QTGAL: variants seen among roughly 807,000 people sequenced by gnomAD.
The protein encoded by QTGAL is BGnT-like protein 1.
At chr17:82,981,245 C>T in the QTGAL span, 2 of 152,352 alleles carry the variant, frequency 1.3e-5, no homozygotes, top group South Asian at 4.1e-4. Context: ...ACCCACTCCC[C>T]ATGCAGCCGA....
chr17:83,047,905 C>T, the QTGAL span, among the ~76,000 whole-genome samples: 1 of 151,966 alleles, frequency 6.6e-6, no homozygotes, highest in South Asian at 2.1e-4. Context: ...ATAATAAATC[C>T]TACCAAACAA....
At chr17:83,005,754 G>A in the QTGAL span, 5 of 841,940 alleles carry the variant, frequency 5.9e-6, no homozygotes, top group East Asian at 2.7e-5. This position sits in a 1 kb window ranked among gnomAD's most constrained non-coding sequence, Gnocchi z 5.6. Context: ...CAGCACCCCT[G>A]CCTCAGGTGA....
chr17:82,946,000 GT>G, the QTGAL span: 2 of 152,208 alleles, frequency 1.3e-5, no homozygotes, highest in East Asian at 3.8e-4. Flanking sequence ...CAGTGGCAGA[GT>G]TGGTGGCTGA....
chr17:82,983,204 C>G, the QTGAL span, among the ~76,000 whole-genome samples: 1 of 152,130 alleles, frequency 6.6e-6, no homozygotes, highest in African/African-American at 2.4e-5. Flanking sequence ...TGCTTGAACC[C>G]AGAAGGCGGA....
chr17:82,983,106 C>A, the QTGAL span, among the ~76,000 whole-genome samples: 1 of 152,076 alleles, frequency 6.6e-6, no homozygotes, highest in Non-Finnish European at 1.5e-5. Context: ...CATGCTGAAA[C>A]CTGGTCTCTA....
chr17:83,009,724 G>A, the QTGAL span, among the ~76,000 whole-genome samples: 2 of 152,142 alleles, frequency 1.3e-5, no homozygotes, highest in Non-Finnish European at 1.5e-5. Flanking sequence ...CTGGGTGCGA[G>A]GGAGGAAGGA....
At chr17:82,990,323 C>T in the QTGAL span, among the ~76,000 whole-genome samples, 1 of 152,218 alleles carries the variant, frequency 6.6e-6, no homozygotes, top group African/African-American at 2.4e-5. Context: ...GCCATGATTC[C>T]CTAAAAGCTC....
At chr17:83,041,465 A>G in the QTGAL span, among the ~76,000 whole-genome samples, 1 of 152,256 alleles carries the variant, frequency 6.6e-6, no homozygotes, top group Non-Finnish European at 1.5e-5. Context: ...TGCTGAAACC[A>G]AAGATAAGGA....
the QTGAL span, among the ~76,000 whole-genome samples, chr17:83,021,717 G>GT: frequency 6.6e-6 from 1 of 152,128 alleles, no homozygotes; most frequent in South Asian, 2.1e-4. Flanking sequence ...TTTGAGAGCG[G>GT]TAAGAACAAA....
At chr17:83,008,949 T>C in the QTGAL span, among the ~76,000 whole-genome samples, 1 of 152,124 alleles carries the variant, frequency 6.6e-6, no homozygotes, top group Admixed American at 6.5e-5. Context: ...CGGCCCTTCC[T>C]GACCCACAAA....
the QTGAL span, among the ~76,000 whole-genome samples, chr17:83,046,013 G>A: frequency 4.6e-5 from 7 of 151,980 alleles, no homozygotes; most frequent in Non-Finnish European, 1.5e-5. Context: ...TAGTAGAGAC[G>A]GGGTTTCACC....
the QTGAL span, chr17:83,005,858 C>T: frequency 3.6e-6 from 5 of 1,369,916 alleles, no homozygotes; most frequent in South Asian, 6.5e-5. The surrounding 1 kb of genome is among the most constrained non-coding windows in gnomAD (Gnocchi z 5.6). Context: ...CCGCCCTCCG[C>T]CCTGCCCGGC....
the QTGAL span, among the ~76,000 whole-genome samples, chr17:82,995,038 T>C: frequency 5.3e-5 from 8 of 152,160 alleles, no homozygotes; most frequent in Admixed American, 5.2e-4. Flanking sequence ...GGAACATCCC[T>C]TAACATAATA....
chr17:82,988,626 A>G, the QTGAL span, among the ~76,000 whole-genome samples: 1 of 152,256 alleles, frequency 6.6e-6, no homozygotes, highest in Non-Finnish European at 1.5e-5. Flanking sequence ...AAGGTCTAAT[A>G]TCTGGAATCT....
the QTGAL span, among the ~76,000 whole-genome samples, chr17:82,959,975 C>T: frequency 2.2e-4 from 34 of 152,166 alleles, no homozygotes; most frequent in East Asian, 1.2e-3. Flanking sequence ...GCCGTGGCCC[C>T]GCCTTAGCAC....
At chr17:83,006,179 G>T in the QTGAL span, 1 of 986,186 alleles carries the variant, frequency 1.0e-6, no homozygotes, top group Non-Finnish European at 1.2e-6. This position sits in a 1 kb window ranked among gnomAD's most constrained non-coding sequence, Gnocchi z 5.8. Flanking sequence ...TAGTGAAAAT[G>T]TAACTGTGGT....
At chr17:83,005,265 T>C in the QTGAL span, 1,246 of 1,319,422 alleles carry the variant, frequency 9.4e-4, 5 homozygotes, top group African/African-American at 0.014. The surrounding 1 kb of genome is among the most constrained non-coding windows in gnomAD (Gnocchi z 5.6). Flanking sequence ...CGCAGGTGCA[T>C]GTGCACACCT....
the QTGAL span, among the ~76,000 whole-genome samples, chr17:83,051,154 G>A: frequency 1.4e-5 from 2 of 147,662 alleles, no homozygotes; most frequent in Non-Finnish European, 3.0e-5. Context: ...GTGTGGGGCA[G>A]GTGTGCGGGG....
At chr17:82,977,591 C>G in the QTGAL span, among the ~76,000 whole-genome samples, 3 of 152,168 alleles carry the variant, frequency 2.0e-5, no homozygotes, top group South Asian at 2.1e-4. Context: ...TCCGGGGGGT[C>G]TGGGGTGCAA....
Sources: allele counts gnomAD v4.1 joint callset (sites outside exome capture counted in the v4.1 genomes callset), GRCh38; gene constraint gnomAD v4.1.1; non-coding constraint Gnocchi (gnomAD v3.1); transcripts MANE v1.5; gene names NCBI Gene and HGNC (gene_info 2026-07-23, HGNC 2026-07-21).